The following PBX3 variants were observed in gnomAD, a reference collection of about 807,000 sequenced individuals.
The protein encoded by PBX3 is pre-B-cell leukemia transcription factor 3.
Under a neutral mutation model 48.5 loss-of-function variants are expected in PBX3, and 14 were observed. The observed-to-expected ratio is 0.29, with a 90% CI of 0.19 to 0.45. The LOEUF (loss-of-function observed/expected upper bound fraction) is 0.45, where lower values mean the gene tolerates loss of function less well. PBX3 is among the 20% of genes least tolerant of loss of function. The pLI is 1.00. For synonymous variants in PBX3, 210 were observed against 200.3 expected, an observed-to-expected ratio of 1.05 and a Z score of -0.41; for missense variants, 386 against 546.7, an observed-to-expected ratio of 0.71 and a Z score of 2.93.
At position 125,966,141 on chromosome 9, in the gene PBX3, A is replaced by G. The variant is rs186361189; in HGVS notation, c.*218A>G. The G allele has an allele frequency of 8.1e-5, 34 of 419,892 alleles. No individual in the cohort carries two copies. The highest frequency in any genetic ancestry group is 5.5e-4 in the Admixed American group (14 of 25,492). 26.0% of individuals were successfully genotyped at this position (419,892 alleles called of 1,614,324 possible). A position where few individuals can be genotyped will look rare whatever the true frequency, so the allele number is the denominator to read the frequency against. ...TAAAAAAAATAAAGCACTTTATCCA[A>G]TTAGGCCAAGATTTAACATTGTTGA... On this transcript the variant is annotated 3_prime_UTR_variant, in exon 9 of 9. Coordinates refer to ENST00000373489, the MANE Select transcript of PBX3 (RefSeq NM_006195.6).
chr9:125,780,998 G>C (rs1837287642), intron 2 of PBX3, among the ~76,000 whole-genome samples: 1 of 100,064 alleles, frequency 1.0e-5, no homozygotes, highest in African/African-American at 4.4e-5. Context: ...TTCCTAGATG[G>C]GATGGCGGCC....
At chr9:125,956,509 C>T (rs1376076442) in intron 5 of PBX3, among the ~76,000 whole-genome samples, 2 of 152,140 alleles carry the variant, frequency 1.3e-5, no homozygotes, top group African/African-American at 2.4e-5. Context: ...GTAGTGTATG[C>T]GAGAGACCAG....
intron 2 of PBX3, among the ~76,000 whole-genome samples, chr9:125,855,638 G>T (rs1839700698): frequency 6.6e-6 from 1 of 152,150 alleles, no homozygotes; most frequent in South Asian, 2.1e-4. Context: ...TTGGTTAAGT[G>T]TGTGGGTTTT....
At chr9:125,786,622 G>C (rs951796716) in intron 2 of PBX3, among the ~76,000 whole-genome samples, 4 of 152,142 alleles carry the variant, frequency 2.6e-5, no homozygotes, top group African/African-American at 9.7e-5. Flanking sequence ...GAGGAGAACA[G>C]AGGAATAGAG....
intron 2 of PBX3, among the ~76,000 whole-genome samples, chr9:125,865,959 C>G (rs1839969435): frequency 6.6e-6 from 1 of 150,926 alleles, no homozygotes; most frequent in African/African-American, 2.4e-5. Flanking sequence ...TGTTTTTCCC[C>G]CAATTTTTTT....
chr9:125,804,836 A>G (rs1300332692), intron 2 of PBX3, among the ~76,000 whole-genome samples: 2 of 140,640 alleles, frequency 1.4e-5, no homozygotes, highest in African/African-American at 2.5e-5. Flanking sequence ...AATCCCAGCT[A>G]CTCGGGCGGC....
At chr9:125,889,169 T>C (rs550799246) in intron 2 of PBX3, among the ~76,000 whole-genome samples, 2 of 152,284 alleles carry the variant, frequency 1.3e-5, no homozygotes, top group African/African-American at 4.8e-5. Flanking sequence ...AGGCCTTAAT[T>C]TCAGTTAAGT....
intron 4 of PBX3, among the ~76,000 whole-genome samples, chr9:125,930,870 A>C (rs1841698515): frequency 6.6e-6 from 1 of 152,162 alleles, no homozygotes. Flanking sequence ...AAACCACAGT[A>C]GCTTTCCAAT....
chr9:125,864,562 T>C (rs1839935645), intron 2 of PBX3, among the ~76,000 whole-genome samples: 1 of 152,182 alleles, frequency 6.6e-6, no homozygotes, highest in South Asian at 2.1e-4. Flanking sequence ...GACGGTCCTA[T>C]CTGGGGATGA....
At chr9:125,784,687 A>G (rs1837414696) in intron 2 of PBX3, among the ~76,000 whole-genome samples, 1 of 152,206 alleles carries the variant, frequency 6.6e-6, no homozygotes, top group Non-Finnish European at 1.5e-5. Flanking sequence ...AAGAGCCTAA[A>G]TAAATAATTA....
chr9:125,748,314 C>G (rs1490651798), intron 1 of PBX3: 3 of 1,188,864 alleles, frequency 2.5e-6, no homozygotes, highest in South Asian at 4.5e-5. Flanking sequence ...CTGCAGTGGC[C>G]GAGGCTGCTG....
At chr9:125,959,371 A>G (rs10819091) in intron 5 of PBX3, among the ~76,000 whole-genome samples, 3,106 of 152,304 alleles carry the variant, frequency 0.02, 180 homozygotes, top group East Asian at 0.17. Flanking sequence ...GTCCTCGGCA[A>G]GTATGCCTGC....
chr9:125,761,215 T>TC (rs1465740695), intron 2 of PBX3, among the ~76,000 whole-genome samples: 5 of 149,378 alleles, frequency 3.3e-5, no homozygotes, highest in African/African-American at 1.2e-4. Flanking sequence ...TCTTTTTTCT[T>TC]TTTTTTTTTG....
chr9:125,773,570 T>G (rs1836995910), intron 2 of PBX3, among the ~76,000 whole-genome samples: 1 of 152,160 alleles, frequency 6.6e-6, no homozygotes, highest in Non-Finnish European at 1.5e-5. Context: ...TGGCACATAG[T>G]AGGAAGCACT....
chr9:125,849,624 T>C (rs1489261515), intron 2 of PBX3, among the ~76,000 whole-genome samples: 1 of 152,048 alleles, frequency 6.6e-6, no homozygotes, highest in Non-Finnish European at 1.5e-5. Context: ...TATCATGTCA[T>C]AGTTTAATTG....
chr9:125,895,046 A>G (rs72752645), intron 2 of PBX3, among the ~76,000 whole-genome samples: 1 of 152,118 alleles, frequency 6.6e-6, no homozygotes, highest in Admixed American at 6.5e-5. Flanking sequence ...AGTCTCCTCA[A>G]AAAAGTCACT....
At chr9:125,936,101 C>T (rs932260750) in intron 5 of PBX3, among the ~76,000 whole-genome samples, 2 of 152,148 alleles carry the variant, frequency 1.3e-5, no homozygotes, top group African/African-American at 4.8e-5. Context: ...TCCTTATTAT[C>T]CATTAAACAC....
At chr9:125,885,179 A>G (rs1156848071) in intron 2 of PBX3, among the ~76,000 whole-genome samples, 1 of 152,160 alleles carries the variant, frequency 6.6e-6, no homozygotes, top group African/African-American at 2.4e-5. Context: ...AAGTAGATAA[A>G]AATACATACA....
At chr9:125,814,494 A>G (rs1838401402) in intron 2 of PBX3, among the ~76,000 whole-genome samples, 2 of 152,182 alleles carry the variant, frequency 1.3e-5, no homozygotes, top group African/African-American at 4.8e-5. Context: ...TTTTAGTTCT[A>G]TAGAGTCATT....
Sources: allele counts gnomAD v4.1 joint callset (sites outside exome capture counted in the v4.1 genomes callset), GRCh38; gene constraint gnomAD v4.1.1; transcripts MANE v1.5; gene names NCBI Gene and HGNC (gene_info 2026-07-23, HGNC 2026-07-21).